Variants in NKAIN2 observed in about 807,000 individuals in gnomAD.
NKAIN2 encodes the protein sodium/potassium-transporting ATPase subunit beta-1-interacting protein 2.
NKAIN2 carries 14 observed loss-of-function variants against 32.6 expected under a neutral mutation model. The ratio of observed to expected loss-of-function variants is 0.43; its 90% CI spans 0.28 to 0.67. The LOEUF (loss-of-function observed/expected upper bound fraction) is 0.67. NKAIN2 is among the 30% of genes least tolerant of loss of function. The probability of loss-of-function intolerance (pLI) is 0.17; values close to 1 mark genes in which losing one functional copy is unlikely to be tolerated. For synonymous variants in NKAIN2, 80 were observed against 87.2 expected (o/e 0.92, Z 0.46); for missense variants, 198 against 258.3 (o/e 0.77, Z 1.60).
intron 4 of NKAIN2, among the ~76,000 whole-genome samples, chr6:124,724,957 T>G (rs1209192357): frequency 6.6e-6 from 1 of 152,230 alleles, no homozygotes; most frequent in African/African-American, 2.4e-5. Flanking sequence ...TTTTATCCTC[T>G]TAAGGTCAAA....
chr6:124,543,240 A>C (rs1237456444), intron 3 of NKAIN2, among the ~76,000 whole-genome samples: 1 of 152,192 alleles, frequency 6.6e-6, no homozygotes, highest in Non-Finnish European at 1.5e-5. Context: ...CAAAATTTGC[A>C]TTCCAGTTTC....
intron 1 of NKAIN2, among the ~76,000 whole-genome samples, chr6:124,132,670 C>A (rs1015650651): frequency 4.6e-5 from 7 of 152,318 alleles, no homozygotes; most frequent in African/African-American, 1.7e-4. Context: ...ACACAATAAA[C>A]CTAGCTACAA....
chr6:123,960,449 C>A (rs979059097), intron 1 of NKAIN2, among the ~76,000 whole-genome samples: 3 of 152,156 alleles, frequency 2.0e-5, no homozygotes, highest in Non-Finnish European at 4.4e-5. Context: ...GAGTTTCTAT[C>A]CAGAGAGCTT....
Position 124,526,028 on chromosome 6 carries a change from G to A in NKAIN2, c.274-132158G>A, listed in dbSNP as rs116623480. On this transcript the variant is annotated intron_variant, in intron 3 of 6. Transcript: ENST00000368417. Reference sequence around the variant, plus strand: ...GTATATTGATGATGAGATGGATCAGGCTTACCTGAGAGGTAAATTTCAATT... The same window carrying A: ...GTATATTGATGATGAGATGGATCAGACTTACCTGAGAGGTAAATTTCAATT... Among the ~76,000 whole-genome samples the A allele has an allele frequency of 2.0e-5, 3 of 152,272 alleles. No individual in the cohort carries two copies. The East Asian group carries it at 5.8e-4, about 29-fold the overall frequency.
At chr6:123,955,394 G>C (rs1777524873) in intron 1 of NKAIN2, among the ~76,000 whole-genome samples, 1 of 151,702 alleles carries the variant, frequency 6.6e-6, no homozygotes. Context: ...TTAGTATATA[G>C]TCACTCTAAT....
intron 1 of NKAIN2, among the ~76,000 whole-genome samples, chr6:124,036,622 A>C (rs945773034): frequency 6.6e-6 from 1 of 152,116 alleles, no homozygotes; most frequent in African/African-American, 2.4e-5. Context: ...TCGTGTGTCT[A>C]TTTTAAGTTC....
At chr6:124,276,841 TGCTCAA>T (rs1402011524) in intron 1 of NKAIN2, among the ~76,000 whole-genome samples, 1 of 152,172 alleles carries the variant, frequency 6.6e-6, no homozygotes, top group African/African-American at 2.4e-5. Context: ...GCCCAGAGCG[TGCTCAA>T]GACTACAGTT....
At chr6:124,241,377 A>T (rs2114772717) in intron 1 of NKAIN2, among the ~76,000 whole-genome samples, 1 of 152,314 alleles carries the variant, frequency 6.6e-6, no homozygotes, top group South Asian at 2.1e-4. Context: ...TTCTTCACAG[A>T]ATTAGAAAAA....
At chr6:123,957,432 A>G (rs539126170) in intron 1 of NKAIN2, among the ~76,000 whole-genome samples, 3 of 152,302 alleles carry the variant, frequency 2.0e-5, no homozygotes, top group Admixed American at 1.3e-4. Flanking sequence ...AATAAAATAT[A>G]TTCGTTGAAT....
intron 4 of NKAIN2, among the ~76,000 whole-genome samples, chr6:124,752,408 C>T (rs1356303126): frequency 2.6e-5 from 4 of 151,878 alleles, no homozygotes; most frequent in Admixed American, 6.6e-5. Flanking sequence ...TAACATTATT[C>T]GCTTCTCTTC....
rs544913422 is a variant in NKAIN2, at chr6:124,724,498, G to A, written c.474+66112G>A. ...TCTGGGTGACCTGCCTGCCTTCATTGCTTCTTCCCTTTGTTCTAGTTCAGT... is the reference window on the plus strand; with the variant it reads ...TCTGGGTGACCTGCCTGCCTTCATTACTTCTTCCCTTTGTTCTAGTTCAGT... On this transcript the variant is annotated intron_variant, in intron 4 of 6. Coordinates refer to ENST00000368417, the MANE Select transcript of NKAIN2 (RefSeq NM_001040214.3). Among the ~76,000 whole-genome samples the A allele has an allele frequency of 2.1e-3, 316 of 152,236 alleles. 1 individual carries two copies. Among genetic ancestry groups the A allele is most frequent in the African/African-American group, 7.4e-3 (307 of 41,530 alleles).
chr6:123,830,726 CTG>C (rs1774344277), intron 1 of NKAIN2, among the ~76,000 whole-genome samples: 2 of 152,110 alleles, frequency 1.3e-5, no homozygotes, highest in Admixed American at 6.6e-5. Context: ...GAATAAATAA[CTG>C]TGTCTGCCAC....
chr6:124,504,562 C>G (rs1359750372), intron 3 of NKAIN2, among the ~76,000 whole-genome samples: 2 of 152,116 alleles, frequency 1.3e-5, no homozygotes, highest in African/African-American at 2.4e-5. Context: ...ATTCTAAATT[C>G]TAAAACAAGA....
At chr6:124,288,778 G>T (rs932225612) in intron 2 of NKAIN2, among the ~76,000 whole-genome samples, 2 of 152,030 alleles carry the variant, frequency 1.3e-5, no homozygotes, top group African/African-American at 2.4e-5. Context: ...ATTGATGGGA[G>T]AATTTATTTC....
chr6:124,677,898 C>T (rs1413125769), intron 4 of NKAIN2, among the ~76,000 whole-genome samples: 1 of 152,012 alleles, frequency 6.6e-6, no homozygotes, highest in Non-Finnish European at 1.5e-5. Context: ...TAAGGCAGGT[C>T]TAGTGGCCAT....
chr6:124,416,757 G>A (rs990056742), intron 3 of NKAIN2, among the ~76,000 whole-genome samples: 1 of 152,134 alleles, frequency 6.6e-6, no homozygotes, highest in African/African-American at 2.4e-5. Flanking sequence ...TGTGTGAATA[G>A]GGGAACATGG....
intron 1 of NKAIN2, among the ~76,000 whole-genome samples, chr6:123,930,776 A>G (rs142868298): frequency 6.6e-6 from 1 of 152,260 alleles, no homozygotes; most frequent in Non-Finnish European, 1.5e-5. Flanking sequence ...GATACAGAGT[A>G]AGTGTAAGAT....
intron 3 of NKAIN2, among the ~76,000 whole-genome samples, chr6:124,630,444 A>G (rs1322080370): frequency 1.2e-4 from 18 of 152,200 alleles, no homozygotes; most frequent in Admixed American, 1.2e-3. Context: ...AAGGATGGTC[A>G]TTAACTTCTC....
intron 1 of NKAIN2, among the ~76,000 whole-genome samples, chr6:123,931,676 G>A (rs1776259113): frequency 6.6e-6 from 1 of 151,798 alleles, no homozygotes; most frequent in Admixed American, 6.6e-5. Flanking sequence ...CCTTTGAATA[G>A]TCAAAGGATT....
Sources: gnomAD v4.1 joint callset for allele counts (sites outside exome capture counted in the v4.1 genomes callset) on GRCh38, gnomAD v4.1.1 for gene constraint, MANE v1.5 for transcripts, NCBI Gene and HGNC (gene_info 2026-07-23, HGNC 2026-07-21) for gene names.